The following ROBO1 variants were observed in gnomAD, a reference collection of about 807,000 sequenced individuals.
The protein encoded by ROBO1 is roundabout homolog 1.
Under a neutral mutation model 195.9 loss-of-function variants are expected in ROBO1, and 149 were observed. The observed-to-expected ratio is 0.76, with a 90% CI of 0.67 to 0.87. The LOEUF is 0.87. Among genes scored for constraint, ROBO1 ranks in the 40% least tolerant of loss-of-function variants. ROBO1 has a pLI of 0.00. For synonymous variants in ROBO1, 816 were observed against 733.2 expected, an observed-to-expected ratio of 1.11 and a Z score of -1.82; for missense variants, 1,933 against 2,068.3, an observed-to-expected ratio of 0.93 and a Z score of 1.27.
At chr3:78,730,114 T>G (rs948930977) in intron 5 of ROBO1, among the ~76,000 whole-genome samples, 2 of 152,222 alleles carry the variant, frequency 1.3e-5, no homozygotes, top group Non-Finnish European at 2.9e-5. Flanking sequence ...TTCATAGTAT[T>G]TGAGGGGAGA....
intron 3 of ROBO1, among the ~76,000 whole-genome samples, chr3:79,074,451 G>T (rs1480608199): frequency 6.6e-6 from 1 of 151,790 alleles, no homozygotes; most frequent in Non-Finnish European, 1.5e-5. Flanking sequence ...TTGAGATGGG[G>T]TTTCTGTTGC....
chr3:78,656,987 C>G, intron 18 of ROBO1, 111 bp downstream of exon 18: 1 of 1,002,236 alleles, frequency 1.0e-6, no homozygotes, highest in South Asian at 1.7e-5. Flanking sequence ...AAGCCATATT[C>G]CATATTCTAT....
chr3:79,065,235 G>A (rs1405105165), intron 3 of ROBO1, among the ~76,000 whole-genome samples: 1 of 151,984 alleles, frequency 6.6e-6, no homozygotes, highest in East Asian at 1.9e-4. Flanking sequence ...GCAACTGTGT[G>A]TGGGTACAAA....
At chr3:79,352,446 A>T (rs1329107387) in intron 2 of ROBO1, among the ~76,000 whole-genome samples, 1 of 152,200 alleles carries the variant, frequency 6.6e-6, no homozygotes, top group Non-Finnish European at 1.5e-5. Flanking sequence ...CAGTAAAATG[A>T]TATTGGCTTA....
chr3:79,075,246 C>T (rs753322954), intron 3 of ROBO1, among the ~76,000 whole-genome samples: 3 of 151,874 alleles, frequency 2.0e-5, no homozygotes, highest in Non-Finnish European at 4.4e-5. Context: ...GAACTGAAAA[C>T]GTGCCAAGGA....
At chr3:79,363,759 G>A (rs2035858720) in intron 2 of ROBO1, among the ~76,000 whole-genome samples, 1 of 152,146 alleles carries the variant, frequency 6.6e-6, no homozygotes, top group South Asian at 2.1e-4. Context: ...TGTACATCCA[G>A]ACACATTTAC....
At chr3:78,743,294 C>T (rs2082576556) in intron 5 of ROBO1, among the ~76,000 whole-genome samples, 1 of 152,002 alleles carries the variant, frequency 6.6e-6, no homozygotes, top group Admixed American at 6.6e-5. Flanking sequence ...TGACTGCTTA[C>T]CAAGTTGTTA....
At chr3:79,533,099 A>C (rs989795365) in intron 2 of ROBO1, 3 of 438,718 alleles carry the variant, frequency 6.8e-6, no homozygotes, top group Non-Finnish European at 9.1e-6. Flanking sequence ...GTTCTTTAGT[A>C]GGCTTGAGCC....
chr3:78,700,330 G>A (rs2081391668), intron 8 of ROBO1, among the ~76,000 whole-genome samples: 1 of 152,138 alleles, frequency 6.6e-6, no homozygotes. Context: ...ATCCTTCATA[G>A]TACCCAGCGT....
chr3:78,750,075 A>G (rs952065499), intron 4 of ROBO1, among the ~76,000 whole-genome samples: 3 of 152,184 alleles, frequency 2.0e-5, no homozygotes, highest in Non-Finnish European at 4.4e-5. Flanking sequence ...TTAACTCAAC[A>G]GCATTTCATT....
intron 1 of ROBO1, among the ~76,000 whole-genome samples, chr3:79,593,995 AGT>A (rs1944086224): frequency 6.6e-6 from 1 of 151,932 alleles, no homozygotes; most frequent in Admixed American, 6.6e-5. Context: ...ATTTTCTTCC[AGT>A]GTGTGGCTTG....
Position 79,620,532 on chromosome 3 carries a change from CT to C in ROBO1, c.-50-30572del, listed in dbSNP as rs1458850445. The stretch of plus-strand genomic sequence containing the variant: ...CCAACTTGGACAACATTCTTTTATA[CT>C]CTCTTTTTTAGTTGTCTCCACCTGC... On this transcript the variant is annotated intron_variant, in intron 1 of 30. Coordinates refer to ENST00000464233, the MANE Select transcript of ROBO1 (RefSeq NM_002941.4). 4.1e-4 allele frequency among the ~76,000 whole-genome samples: 13 copies of C among 31,330 alleles called. No homozygotes were observed. The Admixed American group carries it at 6.5e-3, about 16-fold the overall frequency. 20.6% of individuals were successfully genotyped at this position (31,330 alleles called of 152,430 possible).
intron 2 of ROBO1, among the ~76,000 whole-genome samples, chr3:79,334,852 T>C (rs2034600587): frequency 6.6e-6 from 1 of 151,972 alleles, no homozygotes; most frequent in Non-Finnish European, 1.5e-5. Flanking sequence ...ATGCCTATAA[T>C]CCCAGCACTT....
Position 79,548,513 on chromosome 3 carries a change from T to C in ROBO1, c.88+41311A>G, listed in dbSNP as rs186182546. On this transcript the variant is annotated intron_variant, in intron 2 of 30. Transcript: ENST00000464233. Reference sequence around the variant, plus strand: ...AGGATTAGAAGAATAGCATTCAACATGAATAGAACAGTTGCTTATTATATA... The same window carrying C: ...AGGATTAGAAGAATAGCATTCAACACGAATAGAACAGTTGCTTATTATATA... Among the ~76,000 whole-genome samples the C allele has an allele frequency of 2.9e-3, 446 of 152,316 alleles. 2 individuals are homozygous for C. Among genetic ancestry groups the C allele is most frequent in the African/African-American group, 0.01 (420 of 41,580 alleles).
chr3:79,151,472 C>T (rs1184651960), intron 2 of ROBO1, among the ~76,000 whole-genome samples: 1 of 151,682 alleles, frequency 6.6e-6, no homozygotes, highest in Non-Finnish European at 1.5e-5. Context: ...TTCTTAATCG[C>T]CCCTCGTCTC....
intron 3 of ROBO1, among the ~76,000 whole-genome samples, chr3:78,969,604 T>C (rs1184022449): frequency 6.6e-6 from 1 of 152,138 alleles, no homozygotes; most frequent in African/African-American, 2.4e-5. Context: ...GCTTGGGAAG[T>C]TCAGTATCAT....
At chr3:78,823,574 G>A (rs1454709328) in intron 4 of ROBO1, among the ~76,000 whole-genome samples, 1 of 152,186 alleles carries the variant, frequency 6.6e-6, no homozygotes, top group Non-Finnish European at 1.5e-5. Flanking sequence ...ATGCAAACCT[G>A]CAAGAAGAGG....
At chr3:79,201,509 A>G (rs1471476024) in intron 2 of ROBO1, among the ~76,000 whole-genome samples, 1 of 151,988 alleles carries the variant, frequency 6.6e-6, no homozygotes, top group African/African-American at 2.4e-5. Flanking sequence ...TAATGGGGAA[A>G]CTGAGGCAAA....
chr3:79,213,226 CAGAG>C (rs1258657486), intron 2 of ROBO1, among the ~76,000 whole-genome samples: 1 of 150,976 alleles, frequency 6.6e-6, no homozygotes, highest in Non-Finnish European at 1.5e-5. Flanking sequence ...GCCTGTATGA[CAGAG>C]AGAGACTCCG....
Sources: gnomAD v4.1 joint callset for allele counts (sites outside exome capture counted in the v4.1 genomes callset) on GRCh38, gnomAD v4.1.1 for gene constraint, MANE v1.5 for transcripts, NCBI Gene and HGNC (gene_info 2026-07-23, HGNC 2026-07-21) for gene names.